ACOXL: variants seen among roughly 807,000 people sequenced by gnomAD.
The protein encoded by ACOXL is acyl-CoA oxidase like.
Under a neutral mutation model 71.9 loss-of-function variants are expected in ACOXL, and 70 were observed. The ratio of observed to expected loss-of-function variants is 0.97; its 90% CI spans 0.80 to 1.19. The LOEUF (loss-of-function observed/expected upper bound fraction) is 1.19. Among genes scored for constraint, ACOXL ranks in the 50% most tolerant of loss-of-function variants. ACOXL has a pLI of 0.00. For synonymous variants in ACOXL, 253 were observed against 281.6 expected (o/e 0.90, Z 1.02); for missense variants, 703 against 736.3 (o/e 0.95, Z 0.52).
chr2:110,988,935 G>T (rs998258609), intron 13 of ACOXL, among the ~76,000 whole-genome samples: 1 of 146,592 alleles, frequency 6.8e-6, no homozygotes, highest in Admixed American at 6.9e-5. Flanking sequence ...ATCCTTTGTT[G>T]TTACAAATGC....
chr2:111,042,353 A>C (rs552729245), intron 15 of ACOXL, among the ~76,000 whole-genome samples: 2 of 152,378 alleles, frequency 1.3e-5, no homozygotes, highest in Non-Finnish European at 2.9e-5. Flanking sequence ...GGATGTGAAC[A>C]CAGCGCCCAC....
At chr2:110,736,675 A>G (rs1464515105) in intron 1 of ACOXL, among the ~76,000 whole-genome samples, 1 of 143,498 alleles carries the variant, frequency 7.0e-6, no homozygotes, top group East Asian at 2.0e-4. Context: ...GCTGGAGTGC[A>G]GTGGTGCAAT....
chr2:110,910,389 T>G (rs1349408505), intron 11 of ACOXL, among the ~76,000 whole-genome samples: 1 of 152,258 alleles, frequency 6.6e-6, no homozygotes, highest in Non-Finnish European at 1.5e-5. Flanking sequence ...GACATTTGAA[T>G]TGTTTCCAGG....
intron 15 of ACOXL, among the ~76,000 whole-genome samples, chr2:111,042,411 G>A (rs1013431874): frequency 2.6e-5 from 4 of 152,234 alleles, no homozygotes; most frequent in Non-Finnish European, 5.9e-5. Context: ...CTCCCTGCAC[G>A]GCCACAGGCT....
At chr2:110,750,560 T>C (rs1484047302) in intron 1 of ACOXL, among the ~76,000 whole-genome samples, 1 of 149,432 alleles carries the variant, frequency 6.7e-6, no homozygotes, top group Non-Finnish European at 1.5e-5. Context: ...TCTACTTTTT[T>C]CCACTACTAT....
intron 16 of ACOXL, among the ~76,000 whole-genome samples, 153 bp from the exon 17 acceptor site, chr2:111,092,712 A>T (rs1031441847): frequency 6.6e-6 from 1 of 152,242 alleles, no homozygotes; most frequent in Non-Finnish European, 1.5e-5. Context: ...TATACTGCAC[A>T]TCCAAAACAT....
chr2:110,950,810 GGAGA>G (rs71383892), intron 12 of ACOXL, among the ~76,000 whole-genome samples: 17 of 142,758 alleles, frequency 1.2e-4, no homozygotes, highest in Middle Eastern at 3.6e-3. Context: ...GGTGGGGGGT[GGAGA>G]GAGAGAGAGA....
chr2:110,771,918 C>T (rs554373628), intron 2 of ACOXL, among the ~76,000 whole-genome samples: 5 of 152,302 alleles, frequency 3.3e-5, no homozygotes, highest in African/African-American at 1.2e-4. Context: ...GTGTCTTGTC[C>T]TGCATGGGGG....
intron 10 of ACOXL, among the ~76,000 whole-genome samples, chr2:110,908,566 T>C (rs925914475): frequency 6.6e-6 from 1 of 152,224 alleles, no homozygotes; most frequent in Non-Finnish European, 1.5e-5. Context: ...TTAAAAATGT[T>C]CCACGCTGGG....
intron 4 of ACOXL, 96 bp from the exon 5 acceptor site, chr2:110,793,971 ACCCACCTGT>A: frequency 8.4e-7 from 1 of 1,188,834 alleles, no homozygotes; most frequent in Non-Finnish European, 1.2e-6. Context: ...ATTTTCTCCA[ACCCACCTGT>A]CCCTCTCTCA....
intron 1 of ACOXL, among the ~76,000 whole-genome samples, chr2:110,744,005 C>T (rs1486331182): frequency 6.6e-6 from 1 of 152,196 alleles, no homozygotes; most frequent in Non-Finnish European, 1.5e-5. Context: ...CTGGGGCCCC[C>T]CAGGCACTGA....
chr2:111,016,323 G>A (rs2064435374), intron 14 of ACOXL, among the ~76,000 whole-genome samples: 1 of 152,098 alleles, frequency 6.6e-6, no homozygotes, highest in African/African-American at 2.4e-5. Flanking sequence ...GAGGGTATAG[G>A]AAATGTTCTG....
chr2:111,036,760 G>A (rs3789086), intron 15 of ACOXL: 17,444 of 152,110 alleles, frequency 0.11, 1,088 homozygotes, highest in East Asian at 0.23. Flanking sequence ...GGAGGGACAC[G>A]AAAGTGAGAA....
intron 9 of ACOXL, among the ~76,000 whole-genome samples, chr2:110,819,026 A>G (rs1311716369): frequency 6.6e-6 from 1 of 150,494 alleles, no homozygotes; most frequent in African/African-American, 2.4e-5. Flanking sequence ...TCATTTTAAA[A>G]GAGACACCCA....
intron 9 of ACOXL, among the ~76,000 whole-genome samples, chr2:110,822,921 C>A (rs1447329377): frequency 6.6e-6 from 1 of 152,148 alleles, no homozygotes; most frequent in Non-Finnish European, 1.5e-5. Context: ...AGCAGGTAGC[C>A]TTTTCAGACT....
chr2:111,039,581 G>C (rs986881828), intron 15 of ACOXL, among the ~76,000 whole-genome samples: 1 of 152,144 alleles, frequency 6.6e-6, no homozygotes, highest in Non-Finnish European at 1.5e-5. Context: ...CTCAGCTCTG[G>C]CTTATCAAAG....
chr2:110,806,554 C>G (rs1686664190), intron 9 of ACOXL, among the ~76,000 whole-genome samples: 3 of 151,928 alleles, frequency 2.0e-5, no homozygotes, highest in Admixed American at 1.3e-4. Flanking sequence ...CAGAGAGAGG[C>G]AAAAATAGAA....
rs1003969177 is a variant in ACOXL at position 111,118,060 on chromosome 2, C to T, written c.*244C>T. Reference sequence around the variant, plus strand: ...CCCTTTCCCTGAAACCCAGCCTGGCCTGACTGCAACCTCTCCCAACTTCAG... The same window carrying T: ...CCCTTTCCCTGAAACCCAGCCTGGCTTGACTGCAACCTCTCCCAACTTCAG... On this transcript the variant is annotated 3_prime_UTR_variant, in exon 18 of 18. Coordinates refer to ENST00000439055, the MANE Select transcript of ACOXL (RefSeq NM_001142807.4). 1 of 583,944 alleles carries T rather than the reference C, an allele frequency of 1.7e-6. No individual in the cohort carries two copies. Among genetic ancestry groups the T allele is most frequent in the African/African-American group, 1.9e-5 (1 of 52,720 alleles). The allele number at this position is 583,944 out of a possible 1,614,324, so 36.2% of individuals were successfully genotyped here. A position where few individuals can be genotyped will look rare whatever the true frequency, so the allele number is the denominator to read the frequency against.
chr2:110,748,397 A>G (rs564773874), intron 1 of ACOXL, among the ~76,000 whole-genome samples: 1 of 152,280 alleles, frequency 6.6e-6, no homozygotes, highest in African/African-American at 2.4e-5. Flanking sequence ...TCTCTGGTGC[A>G]GGGGATCTTT....
Sources: gnomAD v4.1 joint callset for allele counts (sites outside exome capture counted in the v4.1 genomes callset) on GRCh38, gnomAD v4.1.1 for gene constraint, MANE v1.5 for transcripts, NCBI Gene and HGNC (gene_info 2026-07-23, HGNC 2026-07-21) for gene names.